The following PPP1R21 variants were observed in gnomAD, a reference collection of about 807,000 sequenced individuals.
PPP1R21 encodes protein phosphatase 1 regulatory subunit 21.
A neutral mutation model predicts 112.8 loss-of-function variants in PPP1R21; 85 were observed. The observed-to-expected ratio is 0.75, with a 90% CI of 0.63 to 0.90. PPP1R21 has a LOEUF of 0.90. Ranked by LOEUF, PPP1R21 falls within the 40% of genes least tolerant of loss-of-function variation. The pLI is 0.00. For missense variants in PPP1R21, 1,199 were observed against 901.5 expected (o/e 1.33, Z -4.23); for synonymous variants, 381 against 322.3 (o/e 1.18, Z -1.95).
intron 12 of PPP1R21, among the ~76,000 whole-genome samples, chr2:48,477,235 C>T (rs1668799424): frequency 6.7e-6 from 1 of 150,000 alleles, no homozygotes; most frequent in African/African-American, 2.4e-5. Context: ...TCTCCTGCTT[C>T]AGCCTCCCGA....
At chr2:48,479,452 T>A (rs1392183634) in intron 12 of PPP1R21, 1 of 471,608 alleles carries the variant, frequency 2.1e-6, no homozygotes, top group Admixed American at 2.3e-5. Flanking sequence ...CCAGAGACTT[T>A]AAGTGATTGT....
intron 14 of PPP1R21, among the ~76,000 whole-genome samples, chr2:48,490,524 C>T (rs1669515930): frequency 6.6e-6 from 1 of 152,048 alleles, no homozygotes; most frequent in Non-Finnish European, 1.5e-5. Flanking sequence ...ACTGAATTTT[C>T]AGTCTTTTTT....
At chr2:48,461,508 C>T (rs1029200697) in intron 7 of PPP1R21, among the ~76,000 whole-genome samples, 1 of 152,078 alleles carries the variant, frequency 6.6e-6, no homozygotes, top group Non-Finnish European at 1.5e-5. Context: ...AAAAAACAAC[C>T]TGCACATAAA....
chr2:48,461,743 GTA>G (rs1482416581), intron 7 of PPP1R21, among the ~76,000 whole-genome samples: 1 of 152,170 alleles, frequency 6.6e-6, no homozygotes, highest in African/African-American at 2.4e-5. Context: ...CTTTACATGT[GTA>G]ATAGGTGCCA....
At chr2:48,504,146 TA>T (rs1670263072) in intron 17 of PPP1R21, among the ~76,000 whole-genome samples, 1 of 152,136 alleles carries the variant, frequency 6.6e-6, no homozygotes, top group Non-Finnish European at 1.5e-5. Context: ...ATTGGAGTAT[TA>T]TTCCAAGCAA....
intron 9 of PPP1R21, among the ~76,000 whole-genome samples, chr2:48,466,695 G>A (rs1668219750): frequency 6.6e-6 from 1 of 152,128 alleles, no homozygotes; most frequent in African/African-American, 2.4e-5. Flanking sequence ...TAGGAGGAGA[G>A]AAGTGGGATA....
intron 9 of PPP1R21, among the ~76,000 whole-genome samples, chr2:48,468,532 A>G (rs951236512): frequency 6.6e-6 from 1 of 152,108 alleles, no homozygotes; most frequent in Non-Finnish European, 1.5e-5. Flanking sequence ...ATATTTTCTG[A>G]CCAGACACAG....
intron 1 of PPP1R21, among the ~76,000 whole-genome samples, chr2:48,442,025 A>G (rs11679685): frequency 0.075 from 11,393 of 152,342 alleles, 602 homozygotes; most frequent in Non-Finnish European, 0.12. Context: ...ACCATCACAT[A>G]GGAGTCTTTT....
At chr2:48,493,772 A>G (rs190116825) in intron 15 of PPP1R21, among the ~76,000 whole-genome samples, 36 of 152,250 alleles carry the variant, frequency 2.4e-4, no homozygotes, top group Admixed American at 1.6e-3. Flanking sequence ...TATTTGCCAC[A>G]TAATAAATTT....
At chr2:48,473,342 A>G (rs1668608894) in intron 11 of PPP1R21, among the ~76,000 whole-genome samples, 1 of 152,222 alleles carries the variant, frequency 6.6e-6, no homozygotes, top group Non-Finnish European at 1.5e-5. Flanking sequence ...TTAAAGTTGA[A>G]TGTAACTTTG....
At chr2:48,451,188 G>C in intron 2 of PPP1R21, 112 bp downstream of exon 2, 1 of 795,938 alleles carries the variant, frequency 1.3e-6, no homozygotes, top group Non-Finnish European at 2.2e-6. Flanking sequence ...TGATTCACTA[G>C]GGATAGGGGA....
chr2:48,473,047 C>T (rs1171580966), intron 11 of PPP1R21, among the ~76,000 whole-genome samples: 1 of 147,814 alleles, frequency 6.8e-6, no homozygotes, highest in Non-Finnish European at 1.5e-5. Context: ...ATTATAAGTC[C>T]TTGTAAAACT....
In PPP1R21 at chr2:48,495,696, G is replaced by T. The variant is rs766547349; in HGVS notation, c.1617G>T (p.Val539=). 3.1e-6 allele frequency: 5 copies of T among 1,608,834 alleles called. No individual in the cohort carries two copies. The Admixed American group carries it at 5.0e-5, about 16-fold the overall frequency. ...TATCATAGCCCCTCTTGGAGTCTGT[G>T]CCTTATGAAGAAGCACTGGCAAACC... ...KSLRKPLLES[V]PYEEALANRR... Residue 539 remains valine (V), a synonymous_variant, in exon 16 of 22, where the codon GTG becomes GTT. Transcript: ENST00000294952.
chr2:48,509,207 C>T (rs1436020656), intron 19 of PPP1R21, among the ~76,000 whole-genome samples: 1 of 151,992 alleles, frequency 6.6e-6, no homozygotes, highest in Non-Finnish European at 1.5e-5. Context: ...TCATTTTTTC[C>T]CTTGTAAGTA....
At chr2:48,457,030 C>T (rs1389738397) in intron 3 of PPP1R21, among the ~76,000 whole-genome samples, 6 of 151,194 alleles carry the variant, frequency 4.0e-5, no homozygotes, top group South Asian at 2.1e-4. Context: ...CCAGCCTGGG[C>T]GACAGAGTGA....
At chr2:48,503,940 G>A (rs1356529918) in intron 17 of PPP1R21, among the ~76,000 whole-genome samples, 2 of 130,836 alleles carry the variant, frequency 1.5e-5, no homozygotes, top group Admixed American at 8.2e-5. Context: ...GCAAAAGGGC[G>A]AGACTATGTC....
At chr2:48,445,081 A>C (rs115284210) in intron 1 of PPP1R21, among the ~76,000 whole-genome samples, 1 of 150,500 alleles carries the variant, frequency 6.6e-6, no homozygotes, top group Non-Finnish European at 1.5e-5. Flanking sequence ...TTTATCACCT[A>C]CTTTTATAGA....
At chr2:48,491,829 G>C (rs951926599) in intron 15 of PPP1R21, among the ~76,000 whole-genome samples, 62 of 151,776 alleles carry the variant, frequency 4.1e-4, no homozygotes, top group African/African-American at 1.5e-3. Flanking sequence ...CATGACTCAA[G>C]GGACATCATT....
chr2:48,505,747 G>C (rs113235817), intron 18 of PPP1R21, among the ~76,000 whole-genome samples, 151 bp downstream of exon 18: 2 of 152,150 alleles, frequency 1.3e-5, no homozygotes, highest in Non-Finnish European at 2.9e-5. Context: ...TTCCACCTTC[G>C]TGTATGGATC....
Sources: allele counts gnomAD v4.1 joint callset (sites outside exome capture counted in the v4.1 genomes callset), GRCh38; gene constraint gnomAD v4.1.1; transcripts MANE v1.5; gene names NCBI Gene and HGNC (gene_info 2026-07-23, HGNC 2026-07-21).